HDAC4: variants seen among roughly 807,000 people sequenced by gnomAD.
HDAC4 encodes the protein histone deacetylase A.
HDAC4 carries 16 observed loss-of-function variants against 135.1 expected under a neutral mutation model. The observed-to-expected ratio is 0.12, with a 90% CI of 0.08 to 0.18. The LOEUF (loss-of-function observed/expected upper bound fraction) is 0.18. HDAC4 is among the 10% of genes least tolerant of loss of function. The pLI is 1.00. For missense variants in HDAC4, 1,143 were observed against 1,511.8 expected (o/e 0.76, Z 4.05); for synonymous variants, 685 against 653.4 (o/e 1.05, Z -0.74).
intron 1 of HDAC4, among the ~76,000 whole-genome samples, chr2:239,367,651 T>C (rs1694308457): frequency 6.6e-6 from 1 of 152,154 alleles, no homozygotes; most frequent in Non-Finnish European, 1.5e-5. Context: ...AAATACTATA[T>C]GAAATTACCT....
At position 239,081,965 on chromosome 2, in the gene HDAC4, G is replaced by A. The variant is rs887374513; in HGVS notation, c.2652+137C>T. ...CGATGCAGGCTGACGTCTGACTGAA[G>A]TTACTGTCTGGGCTTAAGTGAGCAC... On this transcript the variant is annotated intron_variant, in intron 21 of 26. Coordinates refer to ENST00000543185, the MANE Select transcript of HDAC4 (RefSeq NM_001378414.1). 15 of 869,820 alleles carry A rather than the reference G, an allele frequency of 1.7e-5. No individual in the cohort carries two copies. The African/African-American group carries it at 1.8e-4, about 11-fold the overall frequency. 53.9% of individuals were successfully genotyped at this position (869,820 alleles called of 1,614,324 possible). A position where few individuals can be genotyped will look rare whatever the true frequency, so the allele number is the denominator to read the frequency against.
In HDAC4 at chr2:239,115,824, A is replaced by T. The variant is rs747547582; in HGVS notation, c.1534-514T>A. On this transcript the variant is annotated intron_variant, in intron 12 of 26. Transcript: ENST00000543185. The surrounding 1 kb of genome is among the most constrained non-coding windows in gnomAD (Gnocchi z 6.3). ...TGCAGGATCCCACCGATGTGCCATGACCTCCCTCCTGCCGGATCCTGGGAA... is the reference window on the plus strand; with the variant it reads ...TGCAGGATCCCACCGATGTGCCATGTCCTCCCTCCTGCCGGATCCTGGGAA... Among the ~76,000 whole-genome samples the T allele has an allele frequency of 1.3e-5, 2 of 149,114 alleles. No individual in the cohort carries two copies. The highest frequency in any genetic ancestry group is 5.0e-5 in the African/African-American group (2 of 40,234).
At chr2:239,054,654 A>G (rs913700870) in intron 25 of HDAC4, 95 bp downstream of exon 25, 20 of 830,058 alleles carry the variant, frequency 2.4e-5, no homozygotes, top group Admixed American at 6.8e-5. Context: ...AGTGGGATGG[A>G]GAAGAGCTGG....
chr2:239,347,552 G>A (rs2125901536), intron 2 of HDAC4, among the ~76,000 whole-genome samples: 2 of 152,256 alleles, frequency 1.3e-5, no homozygotes, highest in South Asian at 4.2e-4. Context: ...GTCTTGCTCT[G>A]TCGGCCAGGC....
At chr2:239,158,996 TCACA>T (rs1233370695) in intron 6 of HDAC4, among the ~76,000 whole-genome samples, 1 of 151,762 alleles carries the variant, frequency 6.6e-6, no homozygotes, top group South Asian at 2.1e-4. Context: ...CTCACGCTAC[TCACA>T]CCCACCCATA....
At chr2:239,104,648 G>C (rs1271520558) in intron 15 of HDAC4, among the ~76,000 whole-genome samples, 1 of 152,230 alleles carries the variant, frequency 6.6e-6, no homozygotes, top group African/African-American at 2.4e-5. Flanking sequence ...GCTTGGGAAG[G>C]TCCCCGTAGG....
chr2:239,173,042 A>C (rs2043552335), intron 5 of HDAC4, among the ~76,000 whole-genome samples: 1 of 152,244 alleles, frequency 6.6e-6, no homozygotes, highest in Non-Finnish European at 1.5e-5. Flanking sequence ...TCTTAGGGTT[A>C]AGATGGCTTT....
At position 239,354,562 on chromosome 2, in the gene HDAC4, ATTTTTTTTTT is replaced by A. The variant is rs566361037; in HGVS notation, c.-219-1654_-219-1645del. 7.2e-4 allele frequency among the ~76,000 whole-genome samples: 55 copies of A among 76,586 alleles called. 1 individual carries two copies. The highest frequency in any genetic ancestry group is 2.3e-3 in the Admixed American group (13 of 5,624). 50.2% of individuals were successfully genotyped at this position (76,586 alleles called of 152,430 possible). Reference sequence around the variant, plus strand: ...TTTTCTTGATTTAATTAGTCTAGAAATTTTTTTTTTTTTTTTTTTTTTTTTTTTGCCAATT... The same window carrying A: ...TTTTCTTGATTTAATTAGTCTAGAAATTTTTTTTTTTTTTTTTTGCCAATT... On this transcript the variant is annotated intron_variant, in intron 1 of 26. Transcript: ENST00000543185.
chr2:239,107,481 G>A (rs1363951750), intron 15 of HDAC4, among the ~76,000 whole-genome samples: 1 of 152,192 alleles, frequency 6.6e-6, no homozygotes, highest in African/African-American at 2.4e-5. Context: ...CCAGGCCAGG[G>A]CCCTGCCTGC....
intron 4 of HDAC4, among the ~76,000 whole-genome samples, chr2:239,177,284 C>A: frequency 6.6e-6 from 1 of 152,234 alleles, no homozygotes; most frequent in South Asian, 2.1e-4. Context: ...AGCTCCAGAT[C>A]CGCACATTCC....
rs1414825373 is a variant in HDAC4, at chr2:239,051,035, A to G, written c.*2062T>C. The G allele has an allele frequency of 6.6e-6, 1 of 152,654 alleles. No individual in the cohort carries two copies. The highest frequency in any genetic ancestry group is 1.5e-5 in the Non-Finnish European group (1 of 68,054). 9.5% of individuals were successfully genotyped at this position (152,654 alleles called of 1,614,324 possible). A position where few individuals can be genotyped will look rare whatever the true frequency, so the allele number is the denominator to read the frequency against. On this transcript the variant is annotated 3_prime_UTR_variant, in exon 27 of 27. Transcript: ENST00000543185. ...CTGACATGCTCAAAAGGTCTTTGGA[A>G]AACTCAAGTTAGAATTCTATCCTGA...
chr2:239,300,497 T>G (rs2125609646), intron 2 of HDAC4, among the ~76,000 whole-genome samples: 1 of 152,316 alleles, frequency 6.6e-6, no homozygotes, highest in South Asian at 2.1e-4. Context: ...TCGCAGAAAG[T>G]CCTGGAGTGG....
In HDAC4 at chr2:239,167,843, T is replaced by TA. The variant is rs1481132627; in HGVS notation, c.491-3921dup. Among the ~76,000 whole-genome samples, 1 of 147,632 alleles carries TA rather than the reference T, an allele frequency of 6.8e-6. No individual in the cohort carries two copies. The highest frequency in any genetic ancestry group is 2.5e-5 in the African/African-American group (1 of 39,672). On this transcript the variant is annotated intron_variant, in intron 5 of 26. Coordinates refer to ENST00000543185, the MANE Select transcript of HDAC4 (RefSeq NM_001378414.1). The surrounding 1 kb of genome is among the most constrained non-coding windows in gnomAD (Gnocchi z 4.1). The stretch of plus-strand genomic sequence containing the variant: ...TGGCCAGCAGAGATGAAGCGGTGGA[T>TA]AAAAGAGGCCAAGTTCTTCCCATAC...
chr2:239,213,335 G>A (rs1000438224), intron 3 of HDAC4, among the ~76,000 whole-genome samples: 2 of 152,210 alleles, frequency 1.3e-5, no homozygotes, highest in Non-Finnish European at 2.9e-5. Context: ...CTCAGCAACG[G>A]CCATGAGGTT....
intron 5 of HDAC4, among the ~76,000 whole-genome samples, chr2:239,164,387 C>T (rs1415076445): frequency 1.3e-5 from 2 of 152,254 alleles, no homozygotes; most frequent in South Asian, 2.1e-4. Flanking sequence ...GCCGACATGA[C>T]GGCCGGCTCT....
chr2:239,165,771 A>G (rs1030193815), intron 5 of HDAC4, among the ~76,000 whole-genome samples: 6 of 152,066 alleles, frequency 3.9e-5, no homozygotes, highest in African/African-American at 1.5e-4. Context: ...TTCCTTTTAC[A>G]ATTTGGGTAA....
chr2:239,302,635 A>G (rs1164140402), intron 2 of HDAC4, among the ~76,000 whole-genome samples: 2 of 152,208 alleles, frequency 1.3e-5, no homozygotes, highest in East Asian at 1.9e-4. Flanking sequence ...TTTTGTGGAC[A>G]TGGCCCAGCC....
intron 16 of HDAC4, among the ~76,000 whole-genome samples, chr2:239,101,285 GCCCTA>G (rs2037603437): frequency 6.6e-6 from 1 of 152,236 alleles, no homozygotes; most frequent in Admixed American, 6.5e-5. Flanking sequence ...TGTCCTCACA[GCCCTA>G]CTGGCTCCAT....
intron 16 of HDAC4, among the ~76,000 whole-genome samples, chr2:239,096,629 CT>C: frequency 1.3e-5 from 1 of 77,052 alleles, no homozygotes; most frequent in Non-Finnish European, 2.6e-5. Context: ...ATGCCAGCAC[CT>C]CCCATGGATG....
Sources: gnomAD v4.1 joint callset for allele counts (sites outside exome capture counted in the v4.1 genomes callset) on GRCh38, gnomAD v4.1.1 for gene constraint, Gnocchi (gnomAD v3.1) non-coding constraint, MANE v1.5 for transcripts, NCBI Gene and HGNC (gene_info 2026-07-23, HGNC 2026-07-21) for gene names.